The following GLIS1 variants were observed in gnomAD, a reference collection of about 807,000 sequenced individuals.
GLIS1 encodes GLIS family zinc finger 1.
Under a neutral mutation model 63.8 loss-of-function variants are expected in GLIS1, and 24 were observed. The observed-to-expected ratio is 0.38, with a 90% CI of 0.27 to 0.53. GLIS1 has a LOEUF of 0.53. Among genes scored for constraint, GLIS1 ranks in the 20% least tolerant of loss-of-function variants. GLIS1 has a pLI of 0.85. For synonymous variants in GLIS1, 450 were observed against 482.5 expected (o/e 0.93, Z 0.88); for missense variants, 1,036 against 1,074.1 (o/e 0.96, Z 0.50).
At chr1:53,523,816 C>T (rs185970288) in intron 6 of GLIS1, among the ~76,000 whole-genome samples, 6 of 152,164 alleles carry the variant, frequency 3.9e-5, no homozygotes, top group Admixed American at 1.3e-4. Context: ...TCTCAAGGTG[C>T]CATGTCCCTG....
chr1:53,633,093 GT>G (rs1645682776), intron 2 of GLIS1, among the ~76,000 whole-genome samples: 1 of 146,798 alleles, frequency 6.8e-6, no homozygotes, highest in African/African-American at 2.5e-5. Flanking sequence ...GTGAATGAGT[GT>G]GACTGAGGGG....
At chr1:53,528,198 C>T (rs917847605) in intron 5 of GLIS1, among the ~76,000 whole-genome samples, 2 of 152,214 alleles carry the variant, frequency 1.3e-5, no homozygotes, top group Non-Finnish European at 2.9e-5. Context: ...GCACCCACTC[C>T]TCACTTCATG....
At position 53,557,848 on chromosome 1, in the gene GLIS1, A is replaced by G. The variant is rs1644848750; in HGVS notation, c.1321-27896T>C. On this transcript the variant is annotated intron_variant, in intron 4 of 10. Transcript: ENST00000628545. The stretch of plus-strand genomic sequence containing the variant: ...TCTCTTGAAAATTTCTGATTTCTAA[A>G]TAATCCTTTATCCATTCCATATGCC... Among the ~76,000 whole-genome samples the G allele has an allele frequency of 2.0e-5, 3 of 152,236 alleles. No homozygotes were observed. In the South Asian group the frequency reaches 6.2e-4, roughly 31 times the overall value.
chr1:53,673,671 T>C (rs1333747924), intron 2 of GLIS1, among the ~76,000 whole-genome samples: 1 of 152,272 alleles, frequency 6.6e-6, no homozygotes, highest in East Asian at 1.9e-4. Context: ...TAAGCATTTG[T>C]TGGATGAACA....
chr1:53,608,749 C>T (rs773009986), intron 2 of GLIS1, among the ~76,000 whole-genome samples: 2 of 152,318 alleles, frequency 1.3e-5, no homozygotes, highest in Non-Finnish European at 2.9e-5. Context: ...ATTAATCCCA[C>T]CCCAGGGTGG....
At chr1:53,654,657 A>T (rs1390462262) in intron 2 of GLIS1, among the ~76,000 whole-genome samples, 1 of 152,186 alleles carries the variant, frequency 6.6e-6, no homozygotes. Context: ...TCTGGAGAAC[A>T]AAGTGATGAG....
chr1:53,639,315 C>T lies in GLIS1; in HGVS notation c.260-39037G>A, dbSNP rs534254324. On this transcript the variant is annotated intron_variant, in intron 2 of 10. Transcript: ENST00000628545. This position sits in a 1 kb window ranked among gnomAD's most constrained non-coding sequence, Gnocchi z 4.6. ...GCCAGTGGGCTCCACCAGTCCCACC[C>T]TCGTTCGGAGGTGTCCCCTCCCTGC... Among the ~76,000 whole-genome samples, 3 of 152,242 alleles carry T rather than the reference C, an allele frequency of 2.0e-5. No homozygotes were observed. Among genetic ancestry groups the T allele is most frequent in the Non-Finnish European group, 4.4e-5 (3 of 68,016 alleles).
chr1:53,737,836 C>G lies in GLIS1; in HGVS notation c.229G>C (p.Gly77Arg), dbSNP rs1352044099. 3.4e-5 allele frequency: 42 copies of G among 1,231,014 alleles called. No homozygotes were observed. The highest frequency in any genetic ancestry group is 4.3e-5 in the Non-Finnish European group (42 of 987,522). The allele number at this position is 1,231,014 out of a possible 1,614,324, so 76.3% of individuals were successfully genotyped here. ...LLRPRSPRDY[G>R]PSKAAAAGKV... ...CCGGCGGCGGCGGCCTTGGATGGAC[C>G]GTAGTCTCGGGGACTGCGGGGCCGG... The change falls in exon 2 of 11, where the codon GGT (glycine) becomes CGT (arginine). Residue 77 changes from glycine to arginine, a missense_variant. By Grantham distance (125) the Gly-to-Arg change is moderately radical. Transcript: ENST00000628545.
In GLIS1 at chr1:53,646,889, G is replaced by A. The variant is rs1424365352; in HGVS notation, c.260-46611C>T. 2.1e-5 allele frequency among the ~76,000 whole-genome samples: 3 copies of A among 144,064 alleles called. No individual in the cohort carries two copies. The highest frequency in any genetic ancestry group is 4.5e-5 in the Non-Finnish European group (3 of 66,398). The allele number at this position is 144,064 out of a possible 152,430, so 94.5% of individuals were successfully genotyped here. A position where few individuals can be genotyped will look rare whatever the true frequency, so the allele number is the denominator to read the frequency against. On this transcript the variant is annotated intron_variant, in intron 2 of 10. Transcript: ENST00000628545. The surrounding 1 kb of genome is among the most constrained non-coding windows in gnomAD (Gnocchi z 4.2). ...AAGGAAGGAAGGAAGGAGAAGGGAA[G>A]GGAAGGAAGGAAAGGAAGGAAGGGA...
chr1:53,702,100 T>C (rs1162977413), intron 2 of GLIS1, among the ~76,000 whole-genome samples: 1 of 151,782 alleles, frequency 6.6e-6, no homozygotes, highest in African/African-American at 2.4e-5. Context: ...CAGGCAGGCT[T>C]CCCGTGTCCC....
intron 2 of GLIS1, among the ~76,000 whole-genome samples, chr1:53,626,050 A>G (rs530389152): frequency 6.6e-6 from 1 of 152,300 alleles, no homozygotes; most frequent in East Asian, 1.9e-4. Context: ...CAATGGGTAC[A>G]CTATCCCTTT....
chr1:53,556,452 A>ATGCAGGTGTACTGCAGGTGTGTGCG (rs1644828814), intron 4 of GLIS1, among the ~76,000 whole-genome samples: 1 of 65,618 alleles, frequency 1.5e-5, no homozygotes, highest in Non-Finnish European at 2.9e-5. Flanking sequence ...AGGTGTGTGT[A>ATGCAGGTGTACTGCAGGTGTGTGCG]TGCAGGTGTA....
rs114894517 is a variant in GLIS1, at chr1:53,570,482, G to C, written c.1320+23626C>G. ...TATGGAAGAGCAAAGTCCAAGAAAA[G>C]CCAAGGAACACTAAAACAAGACTGG... On this transcript the variant is annotated intron_variant, in intron 4 of 10. Coordinates refer to ENST00000628545, the MANE Select transcript of GLIS1 (RefSeq NM_001367484.1). Among the ~76,000 whole-genome samples, 1,149 of 152,240 alleles carry C rather than the reference G, an allele frequency of 7.5e-3. 22 individuals carry two copies. The highest frequency in any genetic ancestry group is 0.027 in the African/African-American group (1,118 of 41,518).
intron 2 of GLIS1, among the ~76,000 whole-genome samples, chr1:53,640,249 GGAGGCTCCACAAAGCCCCTTTGT>G (rs1319123816): frequency 1.3e-5 from 2 of 152,098 alleles, no homozygotes; most frequent in Non-Finnish European, 2.9e-5. Context: ...CTTGCCTTCC[GGAGGCTCCACAAAGCCCCTTTGT>G]GAAGAATGCC....
At chr1:53,628,176 T>G (rs1229891979) in intron 2 of GLIS1, among the ~76,000 whole-genome samples, 1 of 152,046 alleles carries the variant, frequency 6.6e-6, no homozygotes, top group African/African-American at 2.4e-5. Flanking sequence ...GTACCTGGGG[T>G]GCCTTTAGTG....
At chr1:53,722,686 T>C (rs192989207) in intron 2 of GLIS1, among the ~76,000 whole-genome samples, 18 of 148,490 alleles carry the variant, frequency 1.2e-4, no homozygotes, top group African/African-American at 4.5e-4. Flanking sequence ...ACAAAAAAAT[T>C]AGCCAGGCGT....
intron 4 of GLIS1, among the ~76,000 whole-genome samples, chr1:53,590,624 G>A (rs932594684): frequency 1.3e-5 from 2 of 152,178 alleles, no homozygotes; most frequent in Non-Finnish European, 2.9e-5. Flanking sequence ...TCTTGGAGTC[G>A]TCGCGTCAGT....
chr1:53,523,763 A>C (rs1644435497), intron 6 of GLIS1, among the ~76,000 whole-genome samples: 1 of 151,954 alleles, frequency 6.6e-6, no homozygotes, highest in Non-Finnish European at 1.5e-5. Flanking sequence ...CTCGTCCAAA[A>C]CAGCATCCCC....
At chr1:53,573,448 C>A (rs1645002772) in intron 4 of GLIS1, among the ~76,000 whole-genome samples, 1 of 152,182 alleles carries the variant, frequency 6.6e-6, no homozygotes, top group African/African-American at 2.4e-5. Flanking sequence ...ACCACCCCGG[C>A]CTGAAGGAAT....
Sources: gnomAD v4.1 joint callset for allele counts (sites outside exome capture counted in the v4.1 genomes callset) on GRCh38, gnomAD v4.1.1 for gene constraint, Gnocchi (gnomAD v3.1) non-coding constraint, MANE v1.5 for transcripts, NCBI Gene and HGNC (gene_info 2026-07-23, HGNC 2026-07-21) for gene names.